Variants in NAT1 observed in about 807,000 individuals in gnomAD.
NAT1 encodes the protein N-acetyltransferase 1, also known as arylamine N-acetyltransferase 1.
For missense variants in NAT1, 400 were observed against 339.2 expected, an observed-to-expected ratio of 1.18 and a Z score of -1.41; for synonymous variants, 144 against 122.6, an observed-to-expected ratio of 1.17 and a Z score of -1.16.
intron 2 of NAT1, 42 bp from the exon 3 acceptor site, chr8:18,221,999 TA>T: frequency 6.4e-7 from 1 of 1,556,408 alleles, no homozygotes; most frequent in Non-Finnish European, 8.7e-7. Context: ...AATCCAAGTG[TA>T]AAAGTAAAAT....
At position 18,222,693 on chromosome 8, in the gene NAT1, G is replaced by A. The variant is rs529817104; in HGVS notation, c.646G>A (p.Val216Met). ...NTYLQTSPSS[V>M]FTSKSFCSLQ... ...ATACCTGCAGACATCTCCATCATCT[G>A]TGTTTACTAGTAAATCATTTTGTTC... Residue 216 changes from valine (V) to methionine (M), a missense_variant, in exon 3 of 3, where the codon GTG (valine) becomes ATG (methionine). By Grantham distance (21) the Val-to-Met change is conservative. Transcript: ENST00000307719. 3 of 1,613,864 alleles carry A rather than the reference G, an allele frequency of 1.9e-6. No homozygotes were observed. Among genetic ancestry groups the A allele is most frequent in the Non-Finnish European group, 2.5e-6 (3 of 1,179,990 alleles).
chr8:18,176,598 G>T (rs76251726), intron 2 of NAT1, among the ~76,000 whole-genome samples: 6 of 84,018 alleles, frequency 7.1e-5, no homozygotes, highest in Admixed American at 1.2e-4. Context: ...CTGTTTTTTT[G>T]TTTTGTTTTG....
intron 1 of NAT1, chr8:18,211,301 T>G (rs901662867): frequency 6.6e-6 from 1 of 152,316 alleles, no homozygotes; most frequent in Non-Finnish European, 1.5e-5. Context: ...CTTTCTACCC[T>G]GGATGCTGCT....
At chr8:18,203,782 G>C (rs180976761) in intron 2 of NAT1, among the ~76,000 whole-genome samples, 47 of 152,296 alleles carry the variant, frequency 3.1e-4, no homozygotes, top group African/African-American at 1.1e-3. Context: ...TAAGGGTATG[G>C]GAGTCCTAGG....
intron 1 of NAT1, among the ~76,000 whole-genome samples, chr8:18,213,068 CTT>C (rs34278443): frequency 7.0e-5 from 10 of 142,690 alleles, no homozygotes; most frequent in East Asian, 6.2e-4. Context: ...CCACACCTCG[CTT>C]TTTTTTTTTT....
In NAT1 at chr8:18,222,621, T is replaced by G. The variant is rs1438261068; in HGVS notation, c.574T>G (p.Phe192Val). Residue 192 changes from phenylalanine to valine, a missense_variant, in exon 3 of 3, where the codon TTT becomes GTT. By Grantham distance (50) the Phe-to-Val change is conservative. Transcript: ENST00000307719. ...CAGCAAATACCGAAAAATCTACTCCTTTACTCTTAAGCCTCGAACAATTGA... is the reference window on the plus strand; with the variant it reads ...CAGCAAATACCGAAAAATCTACTCCGTTACTCTTAAGCCTCGAACAATTGA... ...EDSKYRKIYS[F>V]TLKPRTIEDF... The G allele has an allele frequency of 6.2e-7, 1 of 1,613,368 alleles. No homozygotes were observed. The highest frequency in any genetic ancestry group is 1.7e-5 in the Admixed American group (1 of 59,878).
At chr8:18,193,349 T>C (rs896211318) in intron 2 of NAT1, among the ~76,000 whole-genome samples, 1 of 149,744 alleles carries the variant, frequency 6.7e-6, no homozygotes. Flanking sequence ...CTGTAGCTAC[T>C]TGGGAGGCAA....
chr8:18,189,767 G>C (rs1802903994), intron 2 of NAT1, among the ~76,000 whole-genome samples: 1 of 152,100 alleles, frequency 6.6e-6, no homozygotes. Flanking sequence ...TTGTTGTTTA[G>C]GATCACTGTT....
intron 2 of NAT1, among the ~76,000 whole-genome samples, chr8:18,192,433 G>A (rs536135873): frequency 1.3e-5 from 2 of 152,170 alleles, no homozygotes; most frequent in Middle Eastern, 3.2e-3. Flanking sequence ...TCAGTGTGGC[G>A]ATTCCTCAGG....
chr8:18,217,137 T>G, intron 1 of NAT1: 1 of 601,386 alleles, frequency 1.7e-6, no homozygotes, highest in South Asian at 2.3e-5. Context: ...GGAGTCCCCA[T>G]GATGAGATCA....
At chr8:18,193,936 CGGCCTAAACCT>C (rs1554470629) in intron 2 of NAT1, among the ~76,000 whole-genome samples, 1 of 152,142 alleles carries the variant, frequency 6.6e-6, no homozygotes, top group Non-Finnish European at 1.5e-5. Flanking sequence ...CCACCACACC[CGGCCTAAACCT>C]GCTATTTTTA....
chr8:18,191,617 C>G (rs1802993713), intron 2 of NAT1, among the ~76,000 whole-genome samples: 1 of 152,110 alleles, frequency 6.6e-6, no homozygotes, highest in African/African-American at 2.4e-5. Context: ...GTAACCAAAA[C>G]AGCATGGTAC....
chr8:18,214,484 T>C (rs553723511), intron 1 of NAT1, among the ~76,000 whole-genome samples: 2 of 152,368 alleles, frequency 1.3e-5, no homozygotes, highest in African/African-American at 2.4e-5. Flanking sequence ...TAACATTCTC[T>C]TGCTGTCCTG....
intron 2 of NAT1, among the ~76,000 whole-genome samples, chr8:18,202,739 C>T (rs1014771194): frequency 6.6e-6 from 1 of 152,152 alleles, no homozygotes; most frequent in Non-Finnish European, 1.5e-5. Flanking sequence ...GTGAGTGTTA[C>T]AGCTTACAAA....
chr8:18,181,922 G>C (rs1325854683), intron 2 of NAT1, among the ~76,000 whole-genome samples: 1 of 152,130 alleles, frequency 6.6e-6, no homozygotes, highest in Non-Finnish European at 1.5e-5. Context: ...TCTAGGTTTG[G>C]AATCAGGCAC....
At chr8:18,192,502 T>A (rs969128966) in intron 2 of NAT1, among the ~76,000 whole-genome samples, 5 of 152,282 alleles carry the variant, frequency 3.3e-5, no homozygotes, top group Admixed American at 1.3e-4. Context: ...ATATACCCAA[T>A]GGACTATAAA....
chr8:18,216,986 T>G (rs1382056712), intron 1 of NAT1: 1 of 1,550,258 alleles, frequency 6.5e-7, no homozygotes, highest in Admixed American at 2.0e-5. Context: ...ATGATCACCA[T>G]GTTTCTGGGT....
At chr8:18,190,363 G>C (rs1263739791) in intron 2 of NAT1, among the ~76,000 whole-genome samples, 1 of 152,246 alleles carries the variant, frequency 6.6e-6, no homozygotes, top group Non-Finnish European at 1.5e-5. Context: ...CACTGATGAA[G>C]TCCTGGGCAG....
At position 18,193,654 on chromosome 8, in the gene NAT1, T is replaced by C. The variant is rs1200683113; in HGVS notation, n.93-16127T>C. Among the ~76,000 whole-genome samples, 25 of 138,922 alleles carry C rather than the reference T, an allele frequency of 1.8e-4. No individual in the cohort carries two copies. The South Asian group carries it at 2.3e-3, about 13-fold the overall frequency. The allele number at this position is 138,922 out of a possible 152,430, so 91.1% of individuals were successfully genotyped here. A position where few individuals can be genotyped will look rare whatever the true frequency, so the allele number is the denominator to read the frequency against. ...TGCTTTTTTTTTTTTTTTTTTTTTT[T>C]CGAGATGGACTTTCACTCTTGGGGT... On this transcript the variant is annotated intron_variant and non_coding_transcript_variant, in intron 2 of 4. Coordinates refer to the NAT1 transcript ENST00000517441.
Sources: allele counts gnomAD v4.1 joint callset (sites outside exome capture counted in the v4.1 genomes callset), GRCh38; gene constraint gnomAD v4.1.1; transcripts MANE v1.5; gene names NCBI Gene and HGNC (gene_info 2026-07-23, HGNC 2026-07-21).